The following CHI3L2 variants were observed in gnomAD, a reference collection of about 807,000 sequenced individuals.
CHI3L2 encodes the protein chitinase 3 like 2.
CHI3L2 carries 47 observed loss-of-function variants against 47.3 expected under a neutral mutation model. That is an observed-to-expected ratio of 0.99 (90% confidence interval 0.79 to 1.27). CHI3L2 has a LOEUF of 1.27. Among genes scored for constraint, CHI3L2 ranks in the 50% most tolerant of loss-of-function variants. The pLI, the probability that CHI3L2 is intolerant of heterozygous loss-of-function variation, is 0.00. For missense variants in CHI3L2, 497 were observed against 462.1 expected, an observed-to-expected ratio of 1.08 and a Z score of -0.69; for synonymous variants, 198 against 169.9, an observed-to-expected ratio of 1.17 and a Z score of -1.28.
rs143811682 is a variant in CHI3L2 at position 111,235,704 on chromosome 1, G to A, written c.546G>A (p.Ala182=). The change falls in exon 6 of 11, where the codon GCG becomes GCA. Residue 182 remains alanine (A), a synonymous_variant. Coordinates refer to ENST00000369748, the MANE Select transcript of CHI3L2 (RefSeq NM_004000.3). The stretch of plus-strand genomic sequence containing the variant: ...CCAAGGAAAGGCTTCTCTTGACTGC[G>A]GGCGTATCTGCAGGGAGGCAAATGA... The part of the protein sequence containing the change: ...KSTKERLLLT[A]GVSAGRQMID... 34 of 1,614,170 alleles carry A rather than the reference G, an allele frequency of 2.1e-5. No homozygotes were observed. Among genetic ancestry groups the A allele is most frequent in the South Asian group, 1.8e-4 (16 of 91,082 alleles).
rs1196881707 is a variant in CHI3L2 at position 111,242,209 on chromosome 1, C to T, written c.1036-18C>T. On this transcript the variant is annotated intron_variant, in intron 9 of 10. Transcript: ENST00000369748. ...GCCACCCTTCGAATCTCTGTGTATC[C>T]TTCTGTGTCTCCCATAGGTTCAGTT... 1 of 1,613,904 alleles carries T rather than the reference C, an allele frequency of 6.2e-7. No homozygotes were observed. Among genetic ancestry groups the T allele is most frequent in the Non-Finnish European group, 8.5e-7 (1 of 1,179,920 alleles).
intron 10 of CHI3L2, 145 bp downstream of exon 10, chr1:111,242,511 G>A: frequency 2.6e-6 from 2 of 783,678 alleles, no homozygotes; most frequent in Non-Finnish European, 3.7e-6. Flanking sequence ...TAGCAATTAG[G>A]CTGGTTCTGC....
chr1:111,231,262 G>T lies in CHI3L2; in HGVS notation c.297G>T (p.Leu99Phe). 1.9e-6 allele frequency: 3 copies of T among 1,611,672 alleles called. No individual in the cohort carries two copies. Among genetic ancestry groups the T allele is most frequent in the Non-Finnish European group, 2.5e-6 (3 of 1,178,000 alleles). Reference sequence around the variant, plus strand: ...GGAATCCCAAACTGAAAATTCTCTTGTCCATTGGAGGGTACCTGTTTGGTT... The same window carrying T: ...GGAATCCCAAACTGAAAATTCTCTTTTCCATTGGAGGGTACCTGTTTGGTT... ...KTKNPKLKILLSIGGYLFGSK... is the reference protein window; with the variant it reads ...KTKNPKLKILFSIGGYLFGSK... Residue 99 changes from leucine to phenylalanine, a missense_variant, in exon 4 of 11, where the codon TTG becomes TTT. Physicochemically the swap from Leu to Phe is conservative, Grantham distance 22. Coordinates refer to ENST00000369748, the MANE Select transcript of CHI3L2 (RefSeq NM_004000.3).
In CHI3L2 at chr1:111,234,983, A is replaced by G. The variant is rs753775528; in HGVS notation, c.406A>G (p.Asn136Asp). 3 of 1,614,134 alleles carry G rather than the reference A, an allele frequency of 1.9e-6. No homozygotes were observed. The highest frequency in any genetic ancestry group is 2.5e-6 in the Non-Finnish European group (3 of 1,179,988). The change falls in exon 5 of 11, where the codon AAC becomes GAC. Residue 136 changes from asparagine to aspartate, a missense_variant. Asn to Asp is a conservative substitution (Grantham distance 23). Transcript: ENST00000369748. ...NSIILFLRNH[N>D]FDGLDVSWIY... ...CATAATCCTGTTTCTGAGGAACCAT[A>G]ACTTTGATGGACTGGATGTAAGCTG...
intron 4 of CHI3L2, among the ~76,000 whole-genome samples, chr1:111,234,533 G>T (rs1334389154): frequency 6.6e-6 from 1 of 152,154 alleles, no homozygotes; most frequent in Non-Finnish European, 1.5e-5. Flanking sequence ...TGGCTAAACT[G>T]ACCTAGCAGG....
At chr1:111,231,532 T>C (rs1338941533) in intron 4 of CHI3L2, 1 of 413,850 alleles carries the variant, frequency 2.4e-6, no homozygotes, top group African/African-American at 2.1e-5. Flanking sequence ...TGAGAGAAAG[T>C]GGGCCATGAA....
rs11556869 is a variant in CHI3L2, at chr1:111,230,813, C to A, written c.142C>A (p.Pro48Thr). 2.5e-6 allele frequency: 4 copies of A among 1,614,102 alleles called. No individual in the cohort carries two copies. The highest frequency in any genetic ancestry group is 3.4e-6 in the Non-Finnish European group (4 of 1,180,012). ...QDRQEPGKFT[P>T]ENIDPFLCSH... The stretch of plus-strand genomic sequence containing the variant: ...CCGGCAGGAACCAGGAAAATTCACC[C>A]CTGAGAATATTGACCCCTTCCTATG... The change falls in exon 3 of 11, where the codon CCT becomes ACT. Residue 48 changes from proline to threonine, a missense_variant. Pro to Thr is a conservative substitution (Grantham distance 38). Transcript: ENST00000369748.
intron 8 of CHI3L2, among the ~76,000 whole-genome samples, chr1:111,240,306 AT>A (rs1660009920): frequency 1.3e-5 from 2 of 152,366 alleles, no homozygotes; most frequent in East Asian, 3.9e-4. Flanking sequence ...TGATTGGCAC[AT>A]CATCAATTCA....
rs199844821 is a variant in CHI3L2 at position 111,238,914 on chromosome 1, C to G, written c.900C>G (p.Gly300=). 6.4e-5 allele frequency: 102 copies of G among 1,601,568 alleles called. No homozygotes were observed. The highest frequency in any genetic ancestry group is 3.4e-6 in the Non-Finnish European group (4 of 1,175,340). Reference sequence around the variant, plus strand: ...CTGGACCCATCACAGAGTCTTCAGGCTTCCTGGCCTATTATGAGGTACCTG... The same window carrying G: ...CTGGACCCATCACAGAGTCTTCAGGGTTCCTGGCCTATTATGAGGTACCTG... ...GAAGPITESS[G]FLAYYEICQF... is the part of the protein sequence containing the mutation. Residue 300 remains glycine (G), a synonymous_variant, in exon 8 of 11, where the codon GGC becomes GGG. Coordinates refer to ENST00000369748, the MANE Select transcript of CHI3L2 (RefSeq NM_004000.3).
chr1:111,230,437 A>T (rs1256968823), intron 2 of CHI3L2, among the ~76,000 whole-genome samples: 2 of 152,062 alleles, frequency 1.3e-5, no homozygotes, highest in East Asian at 3.9e-4. Context: ...AATTTTTTGT[A>T]GAGATGGGGT....
intron 4 of CHI3L2, among the ~76,000 whole-genome samples, chr1:111,231,646 G>A (rs1471491282): frequency 1.3e-5 from 2 of 152,204 alleles, no homozygotes; most frequent in African/African-American, 2.4e-5. Flanking sequence ...AATCACTTGA[G>A]GGTTTGACTT....
chr1:111,241,491 T>C (rs1660056968), intron 9 of CHI3L2, 48 bp downstream of exon 9: 1 of 928,584 alleles, frequency 1.1e-6, no homozygotes, highest in African/African-American at 1.6e-5. Context: ...AATGGTGATA[T>C]GTAGTAAAAT....
intron 9 of CHI3L2, 138 bp from the exon 10 acceptor site, chr1:111,242,089 C>T: frequency 1.9e-6 from 2 of 1,055,820 alleles, no homozygotes; most frequent in Non-Finnish European, 2.8e-6. Flanking sequence ...TCTTACCCCT[C>T]AGGAAGTCTC....
At position 111,243,366 on chromosome 1, in the gene CHI3L2, C is replaced by T. The variant is rs995207517; in HGVS notation, c.*152C>T. 2 of 391,126 alleles carry T rather than the reference C, an allele frequency of 5.1e-6. No individual in the cohort carries two copies. Among genetic ancestry groups the T allele is most frequent in the Non-Finnish European group, 1.0e-5 (2 of 197,454 alleles). The allele number at this position is 391,126 out of a possible 1,614,324, so 24.2% of individuals were successfully genotyped here. Reference sequence around the variant, plus strand: ...ACTTCCTCTTAGATCATAGATTGGACCTGGTTTTGTTTTCCTGCAGCTGTT... The same window carrying T: ...ACTTCCTCTTAGATCATAGATTGGATCTGGTTTTGTTTTCCTGCAGCTGTT... On this transcript the variant is annotated 3_prime_UTR_variant, in exon 11 of 11. Coordinates refer to ENST00000369748, the MANE Select transcript of CHI3L2 (RefSeq NM_004000.3).
intron 8 of CHI3L2, 26 bp from the exon 9 acceptor site, chr1:111,241,301 C>G: frequency 8.0e-7 from 1 of 1,250,620 alleles, no homozygotes; most frequent in Non-Finnish European, 1.2e-6. Context: ...CATTACTGAC[C>G]CTCTCGTTTC....
chr1:111,231,999 A>G (rs1382866339), intron 4 of CHI3L2, among the ~76,000 whole-genome samples: 1 of 152,234 alleles, frequency 6.6e-6, no homozygotes, highest in Non-Finnish European at 1.5e-5. Context: ...TTAAAGTGCT[A>G]ACATCTTAAA....
At chr1:111,233,569 G>C (rs938657597) in intron 4 of CHI3L2, among the ~76,000 whole-genome samples, 36 of 152,180 alleles carry the variant, frequency 2.4e-4, no homozygotes, top group Admixed American at 5.2e-4. Context: ...AGGGAGGTGG[G>C]GGGGGTCAGC....
intron 1 of CHI3L2, 130 bp from the exon 2 acceptor site, chr1:111,229,722 T>C: frequency 8.2e-7 from 1 of 1,223,932 alleles, no homozygotes; most frequent in Non-Finnish European, 1.1e-6. Flanking sequence ...ACAGCAGCTG[T>C]GGCTGGGGAG....
At chr1:111,229,739 T>C (rs987839867) in intron 1 of CHI3L2, 113 bp from the exon 2 acceptor site, 8 of 1,419,728 alleles carry the variant, frequency 5.6e-6, no homozygotes, top group East Asian at 2.6e-5. Context: ...GGAGCCCAGA[T>C]GAAGTGTGGC....
Sources: allele counts gnomAD v4.1 joint callset (sites outside exome capture counted in the v4.1 genomes callset), GRCh38; gene constraint gnomAD v4.1.1; transcripts MANE v1.5; gene names NCBI Gene and HGNC (gene_info 2026-07-23, HGNC 2026-07-21).